Variants in DLG1 observed in about 807,000 individuals in gnomAD.
DLG1 encodes the protein discs large MAGUK scaffold protein 1.
DLG1 carries 42 observed loss-of-function variants against 123.4 expected under a neutral mutation model. The observed-to-expected ratio is 0.34, with a 90% confidence interval of 0.27 to 0.44. The LOEUF is 0.44. DLG1 is among the 20% of genes least tolerant of loss of function. DLG1 has a pLI of 1.00. For missense variants in DLG1, 942 were observed against 1,082.6 expected (o/e 0.87, Z 1.82); for synonymous variants, 317 against 356.2 (o/e 0.89, Z 1.24).
chr3:197,219,094 C>T (rs568856982), intron 4 of DLG1, among the ~76,000 whole-genome samples: 1 of 151,728 alleles, frequency 6.6e-6, no homozygotes, highest in South Asian at 2.1e-4. Flanking sequence ...TGCGCCACTG[C>T]ACTCCAGCCT....
intron 6 of DLG1, among the ~76,000 whole-genome samples, chr3:197,143,094 A>AT (rs950799835): frequency 2.6e-5 from 4 of 152,044 alleles, no homozygotes; most frequent in African/African-American, 9.7e-5. Flanking sequence ...GAACACCTTA[A>AT]TTTTTTGGAA....
intron 11 of DLG1, among the ~76,000 whole-genome samples, chr3:197,125,555 T>G (rs1224845694): frequency 6.6e-6 from 1 of 152,072 alleles, no homozygotes; most frequent in Non-Finnish European, 1.5e-5. Flanking sequence ...TGAGATGGAA[T>G]TGCTAGAATA....
intron 5 of DLG1, among the ~76,000 whole-genome samples, chr3:197,191,426 G>A (rs1719482955): frequency 6.6e-6 from 1 of 152,142 alleles, no homozygotes; most frequent in African/African-American, 2.4e-5. Context: ...AAATATGCAT[G>A]CTGGCTCACT....
At chr3:197,191,528 T>G (rs1719556901) in intron 5 of DLG1, among the ~76,000 whole-genome samples, 1 of 152,186 alleles carries the variant, frequency 6.6e-6, no homozygotes, top group Non-Finnish European at 1.5e-5. Context: ...ATGTGCAAAT[T>G]GGCTTTGGTT....
intron 13 of DLG1, among the ~76,000 whole-genome samples, chr3:197,111,172 G>A (rs2149362679): frequency 6.6e-6 from 1 of 152,268 alleles, no homozygotes; most frequent in Non-Finnish European, 1.5e-5. Context: ...GTATTTAACT[G>A]CACTCACATT....
chr3:197,067,075 A>C (rs1236389611), intron 19 of DLG1, among the ~76,000 whole-genome samples: 2 of 152,122 alleles, frequency 1.3e-5, no homozygotes, highest in African/African-American at 4.8e-5. Context: ...TAAATCTGTT[A>C]AAGATTAATG....
chr3:197,052,593 C>T (rs952303521), intron 23 of DLG1, among the ~76,000 whole-genome samples: 5 of 152,104 alleles, frequency 3.3e-5, no homozygotes, highest in Non-Finnish European at 5.9e-5. Flanking sequence ...GCCAAAAAAC[C>T]TATTCATTAA....
chr3:197,274,614 A>T (rs1305299362), intron 4 of DLG1, among the ~76,000 whole-genome samples: 1 of 152,232 alleles, frequency 6.6e-6, no homozygotes, highest in Non-Finnish European at 1.5e-5. Context: ...CAAAAGCAAA[A>T]ATAGGTAAAT....
chr3:197,122,678 T>A (rs1777064501), intron 11 of DLG1, among the ~76,000 whole-genome samples: 1 of 152,082 alleles, frequency 6.6e-6, no homozygotes, highest in Admixed American at 6.6e-5. Context: ...AGTACATTTA[T>A]AATAGCATGA....
At chr3:197,052,880 A>T (rs1352239551) in intron 23 of DLG1, among the ~76,000 whole-genome samples, 1 of 152,238 alleles carries the variant, frequency 6.6e-6, no homozygotes, top group Non-Finnish European at 1.5e-5. Flanking sequence ...AGATCTTACT[A>T]AAAATTTTAT....
chr3:197,049,825 G>A (rs926950732), intron 24 of DLG1, among the ~76,000 whole-genome samples: 4 of 152,208 alleles, frequency 2.6e-5, no homozygotes, highest in Non-Finnish European at 5.9e-5. Context: ...CACTCTGGGA[G>A]GCCGAGGAAG....
At chr3:197,098,740 C>T (rs1761974260) in intron 14 of DLG1, among the ~76,000 whole-genome samples, 1 of 152,150 alleles carries the variant, frequency 6.6e-6, no homozygotes, top group South Asian at 2.1e-4. Context: ...TCAAGTTGGC[C>T]AGGCTGGTCT....
chr3:197,136,167 T>C (rs1176516217), intron 10 of DLG1, among the ~76,000 whole-genome samples: 1 of 152,214 alleles, frequency 6.6e-6, no homozygotes, highest in East Asian at 1.9e-4. Flanking sequence ...AAATGGTTGA[T>C]GTTCTAATTC....
intron 11 of DLG1, among the ~76,000 whole-genome samples, chr3:197,127,504 A>G (rs1780341172): frequency 7.5e-6 from 1 of 134,192 alleles, no homozygotes; most frequent in African/African-American, 2.7e-5. Flanking sequence ...ATAAAGTAAG[A>G]AACCTAAAAA....
At chr3:197,105,701 G>A (rs779028703) in intron 13 of DLG1, among the ~76,000 whole-genome samples, 13 of 151,982 alleles carry the variant, frequency 8.6e-5, no homozygotes, top group African/African-American at 1.9e-4. Flanking sequence ...TACTTTGCGC[G>A]CATATATACA....
chr3:197,081,185 A>G, intron 16 of DLG1, 68 bp from the exon 17 acceptor site: 1 of 1,444,104 alleles, frequency 6.9e-7, no homozygotes, highest in Non-Finnish European at 9.5e-7. Context: ...AGAAATAACC[A>G]GAATTGTTAT....
At chr3:197,148,292 C>T (rs1228761180) in intron 6 of DLG1, among the ~76,000 whole-genome samples, 1 of 143,028 alleles carries the variant, frequency 7.0e-6, no homozygotes, top group Admixed American at 6.9e-5. Flanking sequence ...TGTCCGTGTT[C>T]CCAACTACAT....
intron 15 of DLG1, among the ~76,000 whole-genome samples, chr3:197,086,237 G>T (rs73084513): frequency 0.022 from 3,344 of 152,196 alleles, 105 homozygotes; most frequent in African/African-American, 0.074. Context: ...CACAATACTA[G>T]AGTTGATAGA....
At chr3:197,219,765 C>G (rs182982927) in intron 4 of DLG1, among the ~76,000 whole-genome samples, 1 of 152,024 alleles carries the variant, frequency 6.6e-6, no homozygotes, top group African/African-American at 2.4e-5. Context: ...GGAAAGGCCA[C>G]GTGAAGAGGC....
Sources: gnomAD v4.1 joint callset for allele counts (sites outside exome capture counted in the v4.1 genomes callset) on GRCh38, gnomAD v4.1.1 for gene constraint, MANE v1.5 for transcripts, NCBI Gene and HGNC (gene_info 2026-07-23, HGNC 2026-07-21) for gene names.